ARID1B: variants seen among roughly 807,000 people sequenced by gnomAD.
The protein encoded by ARID1B is AT-rich interaction domain 1B.
In ARID1B, 30 loss-of-function variants were observed where a neutral mutation model predicts 212.3. The ratio of observed to expected loss-of-function variants is 0.14; its 90% confidence interval spans 0.11 to 0.19. The LOEUF (loss-of-function observed/expected upper bound fraction) is 0.19, where lower values mean the gene tolerates loss of function less well. Ranked by LOEUF, ARID1B falls within the 10% of genes least tolerant of loss-of-function variation. The pLI is 1.00. For missense variants in ARID1B, 2,891 were observed against 3,204.0 expected, an observed-to-expected ratio of 0.90 and a Z score of 2.36; for synonymous variants, 1,402 against 1,301.7, an observed-to-expected ratio of 1.08 and a Z score of -1.66.
At chr6:156,995,772 A>G (rs1778550448) in intron 4 of ARID1B, among the ~76,000 whole-genome samples, 1 of 152,236 alleles carries the variant, frequency 6.6e-6, no homozygotes. Flanking sequence ...CATGTCATTG[A>G]TGTGGAAGTA....
intron 4 of ARID1B, among the ~76,000 whole-genome samples, chr6:156,949,026 C>T (rs1793378959): frequency 6.6e-6 from 1 of 152,176 alleles, no homozygotes; most frequent in Non-Finnish European, 1.5e-5. Flanking sequence ...TTATACAAGA[C>T]ATTCAGGTGG....
At chr6:156,870,289 C>G (rs531725055) in intron 2 of ARID1B, 1 of 152,302 alleles carries the variant, frequency 6.6e-6, no homozygotes. Context: ...TCCCCCCGGT[C>G]GTCAGATTGC....
chr6:157,009,329 C>A (rs1302840369), intron 4 of ARID1B, among the ~76,000 whole-genome samples: 1 of 152,152 alleles, frequency 6.6e-6, no homozygotes, highest in Non-Finnish European at 1.5e-5. Flanking sequence ...AAGTGATACG[C>A]ACAAGGCTGT....
chr6:157,044,769 G>A (rs1252254255), intron 4 of ARID1B, among the ~76,000 whole-genome samples: 1 of 151,548 alleles, frequency 6.6e-6, no homozygotes, highest in Non-Finnish European at 1.5e-5. Flanking sequence ...AGTATTTAAA[G>A]CTAAATCAAA....
At chr6:156,913,750 G>C (rs1471696519) in intron 3 of ARID1B, among the ~76,000 whole-genome samples, 15 of 114,788 alleles carry the variant, frequency 1.3e-4, no homozygotes, top group South Asian at 2.9e-4. Flanking sequence ...CCCAGCCCAT[G>C]CCAGCCCATG....
At chr6:156,787,202 T>C (rs1316389115) in intron 1 of ARID1B, among the ~76,000 whole-genome samples, 1 of 152,166 alleles carries the variant, frequency 6.6e-6, no homozygotes, top group African/African-American at 2.4e-5. Flanking sequence ...CTACATTACA[T>C]AGATTCTTGG....
chr6:156,978,712 A>G (rs1194439860), intron 4 of ARID1B, among the ~76,000 whole-genome samples: 2 of 152,184 alleles, frequency 1.3e-5, no homozygotes, highest in Non-Finnish European at 2.9e-5. Flanking sequence ...TTCATGGTAG[A>G]GTATCTTTGT....
In ARID1B at chr6:156,892,938, C is replaced by A. The variant is rs545257214; in HGVS notation, c.1987-8438C>A. Reference sequence around the variant, plus strand: ...AGTCTTTCAAAAGAATAAAATTGGACCCTTTGCCTTAGACTATATATAACA... The same window carrying A: ...AGTCTTTCAAAAGAATAAAATTGGAACCTTTGCCTTAGACTATATATAACA... On this transcript the variant is annotated intron_variant, in intron 2 of 19. Transcript: ENST00000636930. 4.3e-4 allele frequency among the ~76,000 whole-genome samples: 65 copies of A among 152,166 alleles called. 1 individual carries two copies. The highest frequency in any genetic ancestry group is 1.4e-3 in the African/African-American group (58 of 41,486).
At chr6:156,855,149 A>T (rs1784829223) in intron 2 of ARID1B, among the ~76,000 whole-genome samples, 1 of 152,208 alleles carries the variant, frequency 6.6e-6, no homozygotes, top group South Asian at 2.1e-4. Flanking sequence ...GGTCAGAGAG[A>T]TGGGGAATGA....
intron 4 of ARID1B, among the ~76,000 whole-genome samples, chr6:156,961,888 A>G (rs1198449963): frequency 5.3e-5 from 8 of 152,290 alleles, no homozygotes; most frequent in Middle Eastern, 3.4e-3. Flanking sequence ...GCAGCCTGCC[A>G]CTTCTAATCT....
chr6:157,174,571 C>T (rs1472846916), intron 10 of ARID1B, among the ~76,000 whole-genome samples: 1 of 151,194 alleles, frequency 6.6e-6, no homozygotes, highest in Non-Finnish European at 1.5e-5. Context: ...GTAACCCATG[C>T]TTAGCATTCC....
chr6:157,189,571 T>C (rs1793211614), intron 13 of ARID1B, 71 bp from the exon 14 acceptor site: 5 of 1,501,184 alleles, frequency 3.3e-6, no homozygotes, highest in Middle Eastern at 1.8e-4. Flanking sequence ...TCTGTATAAC[T>C]AGCAAGGCAG....
chr6:156,879,870 A>G (rs1024657104), intron 2 of ARID1B, among the ~76,000 whole-genome samples: 8 of 152,270 alleles, frequency 5.3e-5, no homozygotes, highest in Non-Finnish European at 1.0e-4. Flanking sequence ...CAGGAAAGCT[A>G]AGAGTCAACT....
intron 4 of ARID1B, among the ~76,000 whole-genome samples, chr6:156,972,356 T>C (rs1776985703): frequency 6.6e-6 from 1 of 152,190 alleles, no homozygotes. Context: ...TGTCCAGTGG[T>C]TGCATGGTGG....
intron 4 of ARID1B, among the ~76,000 whole-genome samples, chr6:157,003,924 CA>C (rs1026119787): frequency 1.3e-5 from 2 of 151,962 alleles, no homozygotes; most frequent in Non-Finnish European, 2.9e-5. Context: ...CGCTTGAGCC[CA>C]GGAGTTCAAG....
intron 4 of ARID1B, among the ~76,000 whole-genome samples, chr6:156,967,539 G>A (rs1400506014): frequency 6.6e-6 from 1 of 152,164 alleles, no homozygotes; most frequent in East Asian, 1.9e-4. Context: ...GAGAGAATGT[G>A]TGTATGTTTG....
chr6:157,002,178 A>G (rs1427607005), intron 4 of ARID1B, among the ~76,000 whole-genome samples: 1 of 152,266 alleles, frequency 6.6e-6, no homozygotes, highest in African/African-American at 2.4e-5. Flanking sequence ...AATAGATTTC[A>G]TAATTATGAT....
At chr6:156,961,911 T>C (rs1355628780) in intron 4 of ARID1B, among the ~76,000 whole-genome samples, 1 of 152,174 alleles carries the variant, frequency 6.6e-6, no homozygotes, top group Non-Finnish European at 1.5e-5. Flanking sequence ...TCTAAGTCAA[T>C]TTCACCATAA....
At chr6:156,820,246 G>T (rs1782260496) in intron 1 of ARID1B, among the ~76,000 whole-genome samples, 1 of 152,112 alleles carries the variant, frequency 6.6e-6, no homozygotes, top group Admixed American at 6.5e-5. Context: ...AGGGAGGGGA[G>T]ACTAGAAGGG....
Sources: allele counts gnomAD v4.1 joint callset (sites outside exome capture counted in the v4.1 genomes callset), GRCh38; gene constraint gnomAD v4.1.1; transcripts MANE v1.5; gene names NCBI Gene and HGNC (gene_info 2026-07-23, HGNC 2026-07-21).